The following FDX2 variants were observed in gnomAD, a reference collection of about 807,000 sequenced individuals.
FDX2 encodes the protein ferredoxin 2, also known as ferredoxin-2, mitochondrial.
In FDX2, 13 loss-of-function variants were observed where a neutral mutation model predicts 18.5. The ratio of observed to expected loss-of-function variants is 0.70; its 90% CI spans 0.46 to 1.12. The LOEUF (loss-of-function observed/expected upper bound fraction) is 1.12. Ranked by LOEUF, FDX2 falls within the 50% of genes most tolerant of loss-of-function variation. The probability of loss-of-function intolerance (pLI) is 0.00; values close to 1 mark genes in which losing one functional copy is unlikely to be tolerated. For synonymous variants in FDX2, 132 were observed against 106.2 expected (o/e 1.24, Z -1.49); for missense variants, 238 against 250.4 (o/e 0.95, Z 0.34).
Position 10,310,213 on chromosome 19 carries a change from G to A in FDX2, c.*273C>T. The A allele has an allele frequency of 2.0e-6, 1 of 489,816 alleles. No homozygotes were observed. The highest frequency in any genetic ancestry group is 3.7e-6 in the Non-Finnish European group (1 of 270,742). The allele number at this position is 489,816 out of a possible 1,614,324, so 30.3% of individuals were successfully genotyped here. On this transcript the variant is annotated 3_prime_UTR_variant, in exon 5 of 5. Coordinates refer to ENST00000393708, the MANE Select transcript of FDX2 (RefSeq NM_001031734.4). ...TCCCCCAAGGACACTCAACATGCTG[G>A]GGCCTGTGTTATCGATTTATTGCAG...
chr19:10,312,099 AC>A (rs1354674740), intron 3 of FDX2, among the ~76,000 whole-genome samples: 1 of 147,032 alleles, frequency 6.8e-6, no homozygotes, highest in Non-Finnish European at 1.5e-5. Context: ...TGAACTCCTG[AC>A]CTCAGGTGAT....
chr19:10,314,562 C>T (rs1007649436), intron 3 of FDX2, among the ~76,000 whole-genome samples: 25 of 151,144 alleles, frequency 1.7e-4, no homozygotes, highest in Admixed American at 9.2e-4. Flanking sequence ...AGCAAGGCTC[C>T]GTCTCTTGAA....
rs2040369830 is a variant in FDX2, at chr19:10,315,326, T to G, written c.316+60A>C. Reference sequence around the variant, plus strand: ...GACACACCTAATTTGTGGGTTTTTTTTTTTTTTTTTTTGGACAAATGTATA... The same window carrying G: ...GACACACCTAATTTGTGGGTTTTTTGTTTTTTTTTTTTGGACAAATGTATA... On this transcript the variant is annotated intron_variant, in intron 3 of 4. Transcript: ENST00000393708. The G allele has an allele frequency of 9.9e-6, 10 of 1,006,796 alleles. No homozygotes were observed. The Admixed American group carries it at 1.8e-4, about 18-fold the overall frequency. 62.4% of individuals were successfully genotyped at this position (1,006,796 alleles called of 1,614,324 possible).
At chr19:10,311,884 T>G (rs1788950489) in intron 3 of FDX2, among the ~76,000 whole-genome samples, 1 of 148,680 alleles carries the variant, frequency 6.7e-6, no homozygotes, top group Admixed American at 6.7e-5. Flanking sequence ...TTTTTTTTTT[T>G]TTTGAGGTGG....
In FDX2 at chr19:10,315,728, G is replaced by A; in HGVS notation, c.186C>T (p.Gly62=). Residue 62 remains glycine, a synonymous_variant, in exon 2 of 5, where the codon GGC becomes GGT. Coordinates refer to ENST00000393708, the MANE Select transcript of FDX2 (RefSeq NM_001031734.4). ...ACACGTCCCCGGGCCGCTCCGGGCCGCCCGCGTCCTCCTCTCCAGCCGGGC... is the reference window on the plus strand; with the variant it reads ...ACACGTCCCCGGGCCGCTCCGGGCCACCCGCGTCCTCCTCTCCAGCCGGGC... 1 of 1,558,842 alleles carries A rather than the reference G, an allele frequency of 6.4e-7. No homozygotes were observed. The highest frequency in any genetic ancestry group is 1.2e-5 in the South Asian group (1 of 85,116).
intron 3 of FDX2, among the ~76,000 whole-genome samples, chr19:10,314,793 G>A (rs1385206884): frequency 1.3e-5 from 2 of 152,180 alleles, no homozygotes; most frequent in Admixed American, 1.3e-4. Context: ...GAGCTTGGTT[G>A]TTTGAGGAAC....
rs762160592 is a variant in FDX2 at position 10,310,513 on chromosome 19, C to G, written c.534G>C (p.Val178=). Residue 178 remains valine, a synonymous_variant, in exon 5 of 5, where the codon GTG becomes GTC. Coordinates refer to ENST00000393708, the MANE Select transcript of FDX2 (RefSeq NM_001031734.4). Reference sequence around the variant, plus strand: ...AGTGGGGCTTGGGGACATGGCCATCCACGTAGAAGTTCCTGGTGATCTTGG... The same window carrying G: ...AGTGGGGCTTGGGGACATGGCCATCGACGTAGAAGTTCCTGGTGATCTTGG... 6.2e-7 allele frequency: 1 copy of G among 1,614,150 alleles called. No individual in the cohort carries two copies. The highest frequency in any genetic ancestry group is 8.5e-7 in the Non-Finnish European group (1 of 1,180,006).
At position 10,315,720 on chromosome 19, in the gene FDX2, T is replaced by TCCGGGCCGCC; in HGVS notation, c.184_193dup (p.Glu65GlyfsTer48). 1 of 1,553,652 alleles carries TCCGGGCCGCC rather than the reference T, an allele frequency of 6.4e-7. No homozygotes were observed. Among genetic ancestry groups the TCCGGGCCGCC allele is most frequent in the Non-Finnish European group, 8.7e-7 (1 of 1,150,222 alleles). On this transcript the variant is annotated frameshift_variant, in exon 2 of 5. Coordinates refer to ENST00000393708, the MANE Select transcript of FDX2 (RefSeq NM_001031734.4). LOFTEE classifies it high-confidence loss of function. Reference sequence around the variant, plus strand: ...CTGCACTCACACGTCCCCGGGCCGCTCCGGGCCGCCCGCGTCCTCCTCTCC... The same window carrying TCCGGGCCGCC: ...CTGCACTCACACGTCCCCGGGCCGCTCCGGGCCGCCCCGGGCCGCCCGCGTCCTCCTCTCC...
Position 10,315,443 on chromosome 19 carries a change from C to T in FDX2, c.259G>A (p.Gly87Ser), listed in dbSNP as rs1299275058. The T allele has an allele frequency of 6.2e-7, 1 of 1,613,794 alleles. No individual in the cohort carries two copies. Among genetic ancestry groups the T allele is most frequent in the Non-Finnish European group, 8.5e-7 (1 of 1,179,984 alleles). ...TGAAGAACATTGTCCCCGACTCTGC[C>T]ACTCACTGGGATCCGCTGGCCTGAG... is the stretch of plus-strand genomic sequence containing the variant. Residue 87 changes from glycine to serine, a missense_variant, in exon 3 of 5, where the codon GGC (glycine) becomes AGC (serine). Physicochemically the swap from Gly to Ser is moderately conservative, Grantham distance 56. Transcript: ENST00000393708.
In FDX2 at chr19:10,310,903, A is replaced by G. The variant is rs1181968763; in HGVS notation, c.354T>C (p.His118=). The G allele has an allele frequency of 2.5e-6, 4 of 1,613,554 alleles. No individual in the cohort carries two copies. Among genetic ancestry groups the G allele is most frequent in the African/African-American group, 1.3e-5 (1 of 74,864 alleles). ...CCAGGTGGTCTTCACTCACATACACATGGCAGGTGGAGCAGGCCAGGGAGG... is the reference window on the plus strand; with the variant it reads ...CCAGGTGGTCTTCACTCACATACACGTGGCAGGTGGAGCAGGCCAGGGAGG... Residue 118 remains histidine (H), a synonymous_variant, in exon 4 of 5, where the codon CAT becomes CAC. Coordinates refer to ENST00000393708, the MANE Select transcript of FDX2 (RefSeq NM_001031734.4).
At chr19:10,313,671 A>ATATATATATATATATT (rs1361901597) in intron 3 of FDX2, among the ~76,000 whole-genome samples, 1 of 45,412 alleles carries the variant, frequency 2.2e-5, no homozygotes, top group African/African-American at 1.1e-4. Flanking sequence ...ATATATATAT[A>ATATATATATATATATT]TTTTTTTTTT....
intron 3 of FDX2, among the ~76,000 whole-genome samples, chr19:10,312,773 G>A (rs923173949): frequency 3.3e-5 from 5 of 151,990 alleles, no homozygotes; most frequent in African/African-American, 7.2e-5. Context: ...TCCTGACCTC[G>A]TGATCCGCTC....
chr19:10,312,894 T>A (rs1327477707), intron 3 of FDX2, among the ~76,000 whole-genome samples: 2 of 152,068 alleles, frequency 1.3e-5, no homozygotes, highest in African/African-American at 4.8e-5. Flanking sequence ...CCCAGCACTT[T>A]GGGAGGCCAA....
chr19:10,315,656 G>A, intron 2 of FDX2, 49 bp downstream of exon 2: 1 of 1,541,150 alleles, frequency 6.5e-7, no homozygotes, highest in Admixed American at 2.0e-5. Context: ...ATGGGGACCA[G>A]AGGAATTCCG....
rs775011418 is a variant in FDX2 at position 10,310,651 on chromosome 19, G to A, written c.405-9C>T. The A allele has an allele frequency of 4.3e-6, 7 of 1,611,874 alleles. No individual in the cohort carries two copies. The African/African-American group carries it at 9.4e-5, about 22-fold the overall frequency. On this transcript the variant is annotated splice_polypyrimidine_tract_variant and intron_variant, in intron 4 of 4. Coordinates refer to ENST00000393708, the MANE Select transcript of FDX2 (RefSeq NM_001031734.4). ...CTAGCATGTCGTCTTCCCTAGGGTG[G>A]TGACACGGGCAGTGTTAGCCGAGGG...
chr19:10,315,872 G>A lies in FDX2; in HGVS notation c.134C>T (p.Thr45Ile), dbSNP rs1256808068. 1 of 1,601,232 alleles carries A rather than the reference G, an allele frequency of 6.2e-7. No homozygotes were observed. Among genetic ancestry groups the A allele is most frequent in the Non-Finnish European group, 8.5e-7 (1 of 1,175,922 alleles). Residue 45 changes from threonine (T) to isoleucine (I), a missense_variant, in exon 1 of 5, where the codon ACC becomes ATC. By Grantham distance (89) the Thr-to-Ile change is moderately conservative. Coordinates refer to ENST00000393708, the MANE Select transcript of FDX2 (RefSeq NM_001031734.4). ...GGTACCTGTCGCTTGAAACTTTCTGGTTGTCCCCAGCGCCACCCCCTCCCC... is the reference window on the plus strand; with the variant it reads ...GGTACCTGTCGCTTGAAACTTTCTGATTGTCCCCAGCGCCACCCCCTCCCC...
At chr19:10,315,547 G>A (rs1189080051) in intron 2 of FDX2, 55 bp from the exon 3 acceptor site, 3 of 1,583,182 alleles carry the variant, frequency 1.9e-6, no homozygotes, top group East Asian at 4.6e-5. Flanking sequence ...CAGGGCCCGG[G>A]TAGAATCTAG....
Position 10,315,374 on chromosome 19 carries a change from C to T in FDX2, c.316+12G>A, listed in dbSNP as rs1277242302. On this transcript the variant is annotated intron_variant, in intron 3 of 4. Transcript: ENST00000393708. ...ATAAGGACCTCCTTAATTCCCTCTG[C>T]CCGGTTCCTACCTTCCAGGTCCACC... 1 of 1,579,390 alleles carries T rather than the reference C, an allele frequency of 6.3e-7. No homozygotes were observed. Among genetic ancestry groups the T allele is most frequent in the Non-Finnish European group, 8.6e-7 (1 of 1,157,040 alleles).
At chr19:10,315,337 T>C (rs2040370119) in intron 3 of FDX2, 49 bp downstream of exon 3, 6 of 1,064,442 alleles carry the variant, frequency 5.6e-6, no homozygotes, top group South Asian at 1.6e-5. Flanking sequence ...TTTTTTTTTT[T>C]TGGACAAATG....
Sources: allele counts gnomAD v4.1 joint callset (sites outside exome capture counted in the v4.1 genomes callset), GRCh38; gene constraint gnomAD v4.1.1; transcripts MANE v1.5; gene names NCBI Gene and HGNC (gene_info 2026-07-23, HGNC 2026-07-21).